The following HTT variants were observed in gnomAD, a reference collection of about 807,000 sequenced individuals.
The protein encoded by HTT is huntington disease protein.
Under a neutral mutation model 362.3 loss-of-function variants are expected in HTT, and 104 were observed. The ratio of observed to expected loss-of-function variants is 0.29; its 90% CI spans 0.24 to 0.34. The LOEUF (loss-of-function observed/expected upper bound fraction) is 0.34, where lower values mean the gene tolerates loss of function less well. Among genes scored for constraint, HTT ranks in the 10% least tolerant of loss-of-function variants. The pLI is 1.00. For synonymous variants in HTT, 1,577 were observed against 1,548.7 expected (o/e 1.02, Z -0.43); for missense variants, 3,301 against 3,928.6 (o/e 0.84, Z 4.27).
intron 41 of HTT, among the ~76,000 whole-genome samples, chr4:3,203,672 A>C (rs541010018): frequency 6.6e-6 from 1 of 152,360 alleles, no homozygotes; most frequent in South Asian, 2.1e-4. Context: ...AGAATTTCAA[A>C]AGCAATTGCT....
chr4:3,129,839 T>G (rs913563344), intron 12 of HTT, 85 bp from the exon 13 acceptor site: 5 of 1,525,248 alleles, frequency 3.3e-6, no homozygotes, highest in Admixed American at 3.4e-5. Flanking sequence ...AAATGTGCTC[T>G]TTCCTCATTG....
intron 46 of HTT, among the ~76,000 whole-genome samples, chr4:3,209,578 A>G (rs1720036462): frequency 6.6e-6 from 1 of 152,116 alleles, no homozygotes; most frequent in African/African-American, 2.4e-5. Flanking sequence ...TGGTTTAGCT[A>G]TATTTGGAAG....
Position 3,191,734 on chromosome 4 carries a change from A to G in HTT, c.5368+2641A>G, listed in dbSNP as rs145916786. Reference sequence around the variant, plus strand: ...AATATAGAGGCTTCAGAGGTCTCCAAATAGAACTAAACATGTAATTCAGAT... The same window carrying G: ...AATATAGAGGCTTCAGAGGTCTCCAGATAGAACTAAACATGTAATTCAGAT... On this transcript the variant is annotated intron_variant, in intron 40 of 66. Coordinates refer to ENST00000355072, the MANE Select transcript of HTT (RefSeq NM_001388492.1). Among the ~76,000 whole-genome samples, 7 of 152,322 alleles carry G rather than the reference A, an allele frequency of 4.6e-5. No homozygotes were observed. The East Asian group carries it at 1.2e-3, about 25-fold the overall frequency.
intron 1 of HTT, among the ~76,000 whole-genome samples, chr4:3,081,106 G>C (rs1712874755): frequency 6.6e-6 from 1 of 152,198 alleles, no homozygotes; most frequent in African/African-American, 2.4e-5. Flanking sequence ...GGATCAGCTT[G>C]TCAGTTTCAA....
intron 1 of HTT, among the ~76,000 whole-genome samples, chr4:3,085,728 C>T (rs1713172130): frequency 6.6e-6 from 1 of 152,118 alleles, no homozygotes; most frequent in African/African-American, 2.4e-5. Context: ...TTTTTTATTT[C>T]TTTGGTAATA....
Position 3,134,489 on chromosome 4 carries a change from A to G in HTT, c.2582A>G (p.Tyr861Cys), listed in dbSNP as rs191504584. 1 of 1,614,030 alleles carries G rather than the reference A, an allele frequency of 6.2e-7. No homozygotes were observed. The highest frequency in any genetic ancestry group is 1.3e-5 in the African/African-American group (1 of 75,022). ...IDVLTLRNSS[Y>C]WLVRTELLET... ...GTGCTGACTCTGAGGAACAGTTCCT[A>G]TTGGCTGGTGAGGACAGAGCTTCTG... Residue 861 changes from tyrosine (Y) to cysteine (C), a missense_variant, in exon 19 of 67, where the codon TAT (tyrosine) becomes TGT (cysteine). Transcript: ENST00000355072.
At chr4:3,162,595 T>C (rs1052022213) in intron 29 of HTT, among the ~76,000 whole-genome samples, 5 of 152,234 alleles carry the variant, frequency 3.3e-5, no homozygotes, top group Non-Finnish European at 5.9e-5. Flanking sequence ...TCCTCTCTTA[T>C]TTCCTTGAGC....
chr4:3,109,894 C>T (rs564369815), intron 6 of HTT, among the ~76,000 whole-genome samples: 1 of 152,228 alleles, frequency 6.6e-6, no homozygotes, highest in South Asian at 2.1e-4. Flanking sequence ...GGGGGGGCCA[C>T]CTGCAAGGTC....
chr4:3,188,874 A>G (rs1053862161), intron 39 of HTT, 77 bp from the exon 40 acceptor site: 4 of 1,354,470 alleles, frequency 3.0e-6, no homozygotes, highest in Middle Eastern at 2.0e-4. Context: ...TTTACCATAT[A>G]TCTTTTCATG....
rs770742584 is a variant in HTT, at chr4:3,132,568, A to G, written c.2243A>G (p.Gln748Arg). The change falls in exon 17 of 67, where the codon CAG (glutamine) becomes CGG (arginine). Residue 748 changes from glutamine (Q) to arginine (R), a missense_variant. Gln to Arg is a conservative substitution (Grantham distance 43, BLOSUM62 1). Around this residue, in one of 4 missense-constraint regions of HTT, gnomAD observed 2,316 missense variants for 2,658.5 expected, o/e 0.87. Coordinates refer to ENST00000355072, the MANE Select transcript of HTT (RefSeq NM_001388492.1). ...PLDTTEYPEE[Q>R]YVSDILNYID... ...GAGCAATTTATCTCCACAGAGGAAC[A>G]GTATGTCTCAGACATCTTGAACTAC... The G allele has an allele frequency of 9.3e-6, 15 of 1,613,870 alleles. No homozygotes were observed. Among genetic ancestry groups the G allele is most frequent in the Non-Finnish European group, 1.3e-5 (15 of 1,179,756 alleles).
In HTT at chr4:3,174,772, G is replaced by T. The variant is rs764420910; in HGVS notation, c.4218G>T (p.Thr1406=). Residue 1406 remains threonine, a synonymous_variant, in exon 32 of 67, where the codon ACG becomes ACT. Transcript: ENST00000355072. ...KVSTQLKTNL[T]SVTKNRADKN... is the part of the protein sequence containing the mutation. ...CTACCCAGTTGAAGACAAACCTCAC[G>T]AGTGTCACAAAGAACCGTGCAGATA... The T allele has an allele frequency of 1.9e-6, 3 of 1,613,970 alleles. No homozygotes were observed. In the South Asian group the frequency reaches 3.3e-5, roughly 18 times the overall value.
At chr4:3,125,770 T>C in intron 11 of HTT, 141 bp downstream of exon 11, 1 of 637,046 alleles carries the variant, frequency 1.6e-6, no homozygotes, top group Admixed American at 2.7e-5. Context: ...TGGGGCATAT[T>C]CGGGCTTCTT....
chr4:3,216,574 C>T (rs1331850268), intron 51 of HTT, among the ~76,000 whole-genome samples: 1 of 152,190 alleles, frequency 6.6e-6, no homozygotes, highest in African/African-American at 2.4e-5. Context: ...GTTGAGACAT[C>T]TTGGCGGTTT....
chr4:3,077,270 T>A (rs1202669396), intron 1 of HTT, among the ~76,000 whole-genome samples: 1 of 152,174 alleles, frequency 6.6e-6, no homozygotes, highest in Non-Finnish European at 1.5e-5. Context: ...AATTAAAATA[T>A]CTTCCTTCCA....
At chr4:3,207,009 T>C in intron 44 of HTT, 26 bp downstream of exon 44, 1 of 1,581,586 alleles carries the variant, frequency 6.3e-7, no homozygotes, top group Non-Finnish European at 8.6e-7. Context: ...ACCCTGATAT[T>C]GATTTATATT....
chr4:3,162,007 T>C (rs1717471181), intron 29 of HTT, among the ~76,000 whole-genome samples: 1 of 152,224 alleles, frequency 6.6e-6, no homozygotes, highest in Non-Finnish European at 1.5e-5. Flanking sequence ...TATGCCTATG[T>C]CCTGAATGTT....
Position 3,223,478 on chromosome 4 carries a change from A to T in HTT, c.7543A>T (p.Thr2515Ser), listed in dbSNP as rs374835537. 77 of 1,613,850 alleles carry T rather than the reference A, an allele frequency of 4.8e-5. No homozygotes were observed. The highest frequency in any genetic ancestry group is 5.7e-5 in the Non-Finnish European group (67 of 1,179,948). Residue 2515 changes from threonine to serine, a missense_variant, in exon 55 of 67, where the codon ACT becomes TCT. Physicochemically the swap from Thr to Ser is moderately conservative, Grantham distance 58. Coordinates refer to ENST00000355072, the MANE Select transcript of HTT (RefSeq NM_001388492.1). Reference sequence around the variant, plus strand: ...CACCTCACTGGTGCTCAGTGCAATGACTGTGCCTGTGGCCGGCAACCCAGC... The same window carrying T: ...CACCTCACTGGTGCTCAGTGCAATGTCTGTGCCTGTGGCCGGCAACCCAGC... ...AITSLVLSAMTVPVAGNPAVS... is the reference protein window; with the variant it reads ...AITSLVLSAMSVPVAGNPAVS...
Position 3,178,426 on chromosome 4 carries a change from G to C in HTT, c.4592G>C (p.Gly1531Ala). 2 of 1,613,810 alleles carry C rather than the reference G, an allele frequency of 1.2e-6. No homozygotes were observed. Among genetic ancestry groups the C allele is most frequent in the Non-Finnish European group, 1.7e-6 (2 of 1,179,832 alleles). Residue 1531 changes from glycine to alanine, a missense_variant, in exon 35 of 67, where the codon GGA (glycine) becomes GCA (alanine). Coordinates refer to ENST00000355072, the MANE Select transcript of HTT (RefSeq NM_001388492.1). ...IQLCDGIMAS[G>A]RKAVTHAIPA... ...CTCTGTGATGGCATCATGGCCAGTG[G>C]AAGGAAGGCTGTGACACATGGTAAC...
chr4:3,095,927 C>G (rs28834148), intron 2 of HTT, among the ~76,000 whole-genome samples: 1 of 152,026 alleles, frequency 6.6e-6, no homozygotes, highest in Non-Finnish European at 1.5e-5. Flanking sequence ...TAAAAGGCAG[C>G]GATTTTTCAG....
Sources: allele counts gnomAD v4.1 joint callset (sites outside exome capture counted in the v4.1 genomes callset), GRCh38; gene constraint gnomAD v4.1.1; regional missense constraint gnomAD v4.1.1; transcripts MANE v1.5; gene names NCBI Gene and HGNC (gene_info 2026-07-23, HGNC 2026-07-21).